ADGRB3: variants seen among roughly 807,000 people sequenced by gnomAD.
The protein encoded by ADGRB3 is adhesion G protein-coupled receptor B3, also known as brain-specific angiogenesis inhibitor 3.
ADGRB3 carries 37 observed loss-of-function variants against 193.4 expected under a neutral mutation model. The ratio of observed to expected loss-of-function variants is 0.19; its 90% confidence interval spans 0.15 to 0.25. The LOEUF is 0.25. Among genes scored for constraint, ADGRB3 ranks in the 10% least tolerant of loss-of-function variants. The pLI, the probability that ADGRB3 is intolerant of heterozygous loss-of-function variation, is 1.00. For synonymous variants in ADGRB3, 690 were observed against 644.2 expected (o/e 1.07, Z -1.08); for missense variants, 1,637 against 1,852.9 (o/e 0.88, Z 2.14).
intron 3 of ADGRB3, among the ~76,000 whole-genome samples, chr6:68,817,349 ATATATATATAT>A (rs1767657061): frequency 9.3e-6 from 1 of 107,536 alleles, no homozygotes; most frequent in African/African-American, 4.6e-5. Flanking sequence ...ATATATATAT[ATATATATATAT>A]AATTTCTGAC....
chr6:69,082,526 C>T (rs1339199185), intron 17 of ADGRB3, among the ~76,000 whole-genome samples: 3 of 151,946 alleles, frequency 2.0e-5, no homozygotes, highest in African/African-American at 7.2e-5. Context: ...TTCATTAATT[C>T]TCTCTTCAGT....
chr6:69,352,801 C>A (rs995497887), intron 26 of ADGRB3, among the ~76,000 whole-genome samples: 1 of 152,142 alleles, frequency 6.6e-6, no homozygotes, highest in African/African-American at 2.4e-5. Context: ...TCCTGGCCAA[C>A]AGGTATATTA....
chr6:69,009,274 C>T (rs763628045), intron 11 of ADGRB3, among the ~76,000 whole-genome samples: 14 of 151,954 alleles, frequency 9.2e-5, no homozygotes, highest in Admixed American at 2.6e-4. Context: ...CACAGTACCA[C>T]GAGAAAAAGA....
chr6:68,777,724 T>C (rs1766776598), intron 3 of ADGRB3, among the ~76,000 whole-genome samples: 1 of 146,572 alleles, frequency 6.8e-6, no homozygotes, highest in South Asian at 2.1e-4. Context: ...CTAATATATA[T>C]CTGTGGAAAA....
chr6:69,358,535 C>G (rs1018392895), intron 28 of ADGRB3, among the ~76,000 whole-genome samples: 2 of 151,728 alleles, frequency 1.3e-5, no homozygotes, highest in African/African-American at 2.4e-5. Context: ...TTATTGGTGC[C>G]CTTTTCAGTT....
At chr6:69,323,841 A>G (rs1335616485) in intron 20 of ADGRB3, among the ~76,000 whole-genome samples, 1 of 152,100 alleles carries the variant, frequency 6.6e-6, no homozygotes, top group Non-Finnish European at 1.5e-5. Flanking sequence ...CTAGTAAGAT[A>G]TTCTGCATTA....
intron 20 of ADGRB3, among the ~76,000 whole-genome samples, chr6:69,297,410 C>CTCTA (rs1554192101): frequency 0.031 from 4,011 of 127,920 alleles, 47 homozygotes; most frequent in Middle Eastern, 0.039. Flanking sequence ...CTCTCTCTCT[C>CTCTA]TATATATATA....
In ADGRB3 at chr6:68,925,042, G is replaced by A. The variant is rs993762564; in HGVS notation, c.758-5517G>A. On this transcript the variant is annotated intron_variant, in intron 3 of 31. Coordinates refer to ENST00000370598, the MANE Select transcript of ADGRB3 (RefSeq NM_001704.3). ...ATTTATAATCAGTAGTAAAATATCC[G>A]TTTAAAAATTGTATTCAGTTCATGC... Among the ~76,000 whole-genome samples the A allele has an allele frequency of 5.3e-5, 8 of 151,834 alleles. No homozygotes were observed. In the South Asian group the frequency reaches 6.2e-4, roughly 12 times the overall value.
chr6:68,869,041 A>G (rs1265009044), intron 3 of ADGRB3, among the ~76,000 whole-genome samples: 5 of 152,062 alleles, frequency 3.3e-5, no homozygotes, highest in Non-Finnish European at 7.4e-5. Flanking sequence ...AATACTTTCC[A>G]GGAGATGCCA....
chr6:69,033,470 A>G (rs560340066), intron 13 of ADGRB3, among the ~76,000 whole-genome samples: 31 of 152,334 alleles, frequency 2.0e-4, no homozygotes, highest in African/African-American at 7.5e-4. Flanking sequence ...TAAATGAATT[A>G]GTTCATTTTT....
intron 17 of ADGRB3, among the ~76,000 whole-genome samples, chr6:69,212,382 TATC>T (rs1202792354): frequency 4.6e-5 from 7 of 152,300 alleles, no homozygotes; most frequent in African/African-American, 9.6e-5. Flanking sequence ...CAGACCGCAC[TATC>T]GAGTTCCCAT....
intron 13 of ADGRB3, among the ~76,000 whole-genome samples, chr6:69,036,147 T>C (rs1292673300): frequency 2.0e-5 from 3 of 152,118 alleles, no homozygotes; most frequent in Admixed American, 2.0e-4. Flanking sequence ...GCAAGGACTC[T>C]TTCTTTCTCA....
intron 3 of ADGRB3, among the ~76,000 whole-genome samples, chr6:68,719,799 C>T (rs1765546097): frequency 1.3e-5 from 2 of 150,946 alleles, no homozygotes; most frequent in South Asian, 4.2e-4. Context: ...GCAAATGATA[C>T]CAAGATAAAG....
At chr6:69,121,231 G>A (rs1198787767) in intron 17 of ADGRB3, among the ~76,000 whole-genome samples, 3 of 152,030 alleles carry the variant, frequency 2.0e-5, no homozygotes, top group Non-Finnish European at 2.9e-5. Flanking sequence ...CTGTCTTCAA[G>A]CATCTGTTTA....
chr6:68,716,465 CT>C (rs1765491583), intron 3 of ADGRB3, among the ~76,000 whole-genome samples: 1 of 150,714 alleles, frequency 6.6e-6, no homozygotes, highest in Non-Finnish European at 1.5e-5. Flanking sequence ...GTAATATAGA[CT>C]GTATTTTCCA....
At chr6:68,698,467 G>A (rs1487689442) in intron 3 of ADGRB3, among the ~76,000 whole-genome samples, 2 of 151,888 alleles carry the variant, frequency 1.3e-5, no homozygotes, top group Non-Finnish European at 2.9e-5. Context: ...TTCTTAGGAA[G>A]GTTCGTGTAT....
Position 69,191,352 on chromosome 6 carries a change from T to G in ADGRB3, c.2481-41938T>G, listed in dbSNP as rs552589002. 2.1e-3 allele frequency among the ~76,000 whole-genome samples: 323 copies of G among 152,288 alleles called. 4 individuals are homozygous for G. The highest frequency in any genetic ancestry group is 7.4e-3 in the African/African-American group (307 of 41,570). ...TTCTAGTTGAAATTATATATTTTCA[T>G]GGATTTTAGATAAAATATTTATTTT... On this transcript the variant is annotated intron_variant, in intron 17 of 31. Transcript: ENST00000370598.
At chr6:68,960,665 A>C (rs1768206534) in intron 8 of ADGRB3, among the ~76,000 whole-genome samples, 1 of 152,124 alleles carries the variant, frequency 6.6e-6, no homozygotes, top group Non-Finnish European at 1.5e-5. Flanking sequence ...AAGAAGAACA[A>C]AGCTTGCCTA....
intron 22 of ADGRB3, among the ~76,000 whole-genome samples, chr6:69,328,259 A>G (rs774237030): frequency 1.3e-5 from 2 of 152,134 alleles, no homozygotes; most frequent in Non-Finnish European, 2.9e-5. Context: ...GATAATGTGT[A>G]TTGTTATTAA....
Sources: gnomAD v4.1 joint callset for allele counts (sites outside exome capture counted in the v4.1 genomes callset) on GRCh38, gnomAD v4.1.1 for gene constraint, MANE v1.5 for transcripts, NCBI Gene and HGNC (gene_info 2026-07-23, HGNC 2026-07-21) for gene names.